Variants in ITCH observed in about 807,000 individuals in gnomAD.
ITCH encodes E3 ubiquitin-protein ligase Itchy homolog.
In ITCH, 28 loss-of-function variants were observed where a neutral mutation model predicts 126.8. The observed-to-expected ratio is 0.22, with a 90% CI of 0.16 to 0.30. The LOEUF (loss-of-function observed/expected upper bound fraction) is 0.30, where lower values mean the gene tolerates loss of function less well. Ranked by LOEUF, ITCH falls within the 10% of genes least tolerant of loss-of-function variation. The probability of loss-of-function intolerance (pLI) is 1.00; values close to 1 mark genes in which losing one functional copy is unlikely to be tolerated. For missense variants in ITCH, 631 were observed against 1,032.4 expected, an observed-to-expected ratio of 0.61 and a Z score of 5.33; for synonymous variants, 342 against 340.0, an observed-to-expected ratio of 1.01 and a Z score of -0.06.
At chr20:34,456,180 G>GTA (rs1985914157) in intron 12 of ITCH, among the ~76,000 whole-genome samples, 3 of 44,144 alleles carry the variant, frequency 6.8e-5, no homozygotes, top group African/African-American at 4.5e-4. Context: ...GTGTGTGTGT[G>GTA]TGTGTATATA....
chr20:34,505,242 C>T (rs2146572073), intron 24 of ITCH, among the ~76,000 whole-genome samples: 1 of 152,254 alleles, frequency 6.6e-6, no homozygotes, highest in African/African-American at 2.4e-5. Flanking sequence ...TGGGGTTTCG[C>T]CATGTTGGTC....
intron 20 of ITCH, 102 bp downstream of exon 20, chr20:34,481,308 C>A: frequency 1.6e-6 from 2 of 1,267,332 alleles, no homozygotes; most frequent in Non-Finnish European, 2.3e-6. Flanking sequence ...TAGTATTTGT[C>A]TCTGTACTAA....
chr20:34,414,258 A>G (rs1369305053), intron 6 of ITCH, among the ~76,000 whole-genome samples: 1 of 152,020 alleles, frequency 6.6e-6, no homozygotes, highest in African/African-American at 2.4e-5. Context: ...ATATTTTTAC[A>G]TAAGTTGAAA....
intron 3 of ITCH, among the ~76,000 whole-genome samples, chr20:34,399,653 A>G (rs1333527715): frequency 6.6e-6 from 1 of 151,924 alleles, no homozygotes; most frequent in South Asian, 2.1e-4. Flanking sequence ...TAGCCTGGCC[A>G]ACATGGTGAA....
intron 23 of ITCH, among the ~76,000 whole-genome samples, chr20:34,504,011 G>T (rs1990462239): frequency 6.6e-6 from 1 of 151,700 alleles, no homozygotes; most frequent in Non-Finnish European, 1.5e-5. Flanking sequence ...CTCCTGAGTA[G>T]CTGGGATTAC....
At chr20:34,491,273 T>G (rs1368347605) in intron 22 of ITCH, among the ~76,000 whole-genome samples, 2 of 152,204 alleles carry the variant, frequency 1.3e-5, no homozygotes, top group African/African-American at 2.4e-5. Flanking sequence ...CATTATGAAT[T>G]TTAAGATAAG....
intron 7 of ITCH, among the ~76,000 whole-genome samples, chr20:34,427,308 G>A (rs994137458): frequency 9.2e-5 from 14 of 152,104 alleles, no homozygotes; most frequent in African/African-American, 3.1e-4. Context: ...CAATGGGGCC[G>A]GTCATGGTAG....
intron 17 of ITCH, among the ~76,000 whole-genome samples, 189 bp from the exon 18 acceptor site, chr20:34,479,441 C>T (rs1185496344): frequency 2.0e-5 from 3 of 152,112 alleles, no homozygotes; most frequent in Admixed American, 2.0e-4. Flanking sequence ...TTACCATCTA[C>T]CAAAGATGGT....
At chr20:34,382,759 T>TA (rs1377141458) in intron 2 of ITCH, among the ~76,000 whole-genome samples, 1 of 142,136 alleles carries the variant, frequency 7.0e-6, no homozygotes, top group South Asian at 2.2e-4. Context: ...TTATTATTAT[T>TA]TTGAGACAGA....
intron 1 of ITCH, among the ~76,000 whole-genome samples, chr20:34,366,382 C>T (rs543110562): frequency 1.7e-4 from 26 of 152,096 alleles, no homozygotes; most frequent in African/African-American, 6.0e-4. Context: ...CATTAGCATG[C>T]CTGGCTAATT....
At chr20:34,370,621 G>A (rs375685842) in intron 2 of ITCH, among the ~76,000 whole-genome samples, 5 of 149,252 alleles carry the variant, frequency 3.4e-5, no homozygotes, top group African/African-American at 1.2e-4. Context: ...CCAAGATCGT[G>A]CCACTATACT....
intron 7 of ITCH, among the ~76,000 whole-genome samples, chr20:34,434,709 G>A (rs1286490608): frequency 3.9e-5 from 6 of 152,148 alleles, no homozygotes. Flanking sequence ...GTCAGGGATA[G>A]CTACAGATTG....
At chr20:34,417,703 CTTTTTTT>C (rs77967776) in intron 6 of ITCH, among the ~76,000 whole-genome samples, 28 of 109,280 alleles carry the variant, frequency 2.6e-4, no homozygotes, top group African/African-American at 3.2e-4. Flanking sequence ...CCTGGCCCAG[CTTTTTTT>C]TTTTTTTTTT....
chr20:34,409,521 A>T (rs1396504345), intron 4 of ITCH, among the ~76,000 whole-genome samples: 1 of 152,172 alleles, frequency 6.6e-6, no homozygotes, highest in African/African-American at 2.4e-5. Flanking sequence ...GACTACTACT[A>T]TACATTTTAT....
chr20:34,442,517 C>T (rs1228342607), intron 10 of ITCH, among the ~76,000 whole-genome samples: 1 of 152,130 alleles, frequency 6.6e-6, no homozygotes, highest in Non-Finnish European at 1.5e-5. Flanking sequence ...ATATTTCTTT[C>T]TTCTTTTCTT....
intron 23 of ITCH, among the ~76,000 whole-genome samples, chr20:34,502,584 C>T (rs1327438421): frequency 1.4e-5 from 2 of 147,824 alleles, no homozygotes; most frequent in East Asian, 4.1e-4. Flanking sequence ...GTAGTGGGCA[C>T]CTGTAATCCC....
chr20:34,461,661 A>T lies in ITCH; in HGVS notation c.1296-432A>T, dbSNP rs1286690527. 2.0e-5 allele frequency among the ~76,000 whole-genome samples: 3 copies of T among 149,196 alleles called. No homozygotes were observed. The East Asian group carries it at 6.1e-4, about 30-fold the overall frequency. On this transcript the variant is annotated intron_variant, in intron 13 of 24. Coordinates refer to ENST00000374864, the MANE Select transcript of ITCH (RefSeq NM_031483.7). ...GAGGTGGAGGTTGCAGTGAGCCAAG[A>T]TATCGTGCCCCTGCACTCCAGCCTG...
intron 24 of ITCH, among the ~76,000 whole-genome samples, chr20:34,507,263 G>GTTTTT (rs776161631): frequency 3.5e-3 from 138 of 39,082 alleles, no homozygotes; most frequent in East Asian, 5.3e-3. Context: ...GTTTTCTTCT[G>GTTTTT]TTTTTTTTTT....
At chr20:34,413,999 C>A in intron 6 of ITCH, 120 bp downstream of exon 6, 2 of 864,240 alleles carry the variant, frequency 2.3e-6, no homozygotes, top group African/African-American at 1.7e-5. Flanking sequence ...TTTTTTCTGG[C>A]CGGTGTGGTG....
Sources: allele counts gnomAD v4.1 joint callset (sites outside exome capture counted in the v4.1 genomes callset), GRCh38; gene constraint gnomAD v4.1.1; transcripts MANE v1.5; gene names NCBI Gene and HGNC (gene_info 2026-07-23, HGNC 2026-07-21).